Variants in OXR1 observed in about 807,000 individuals in gnomAD.
OXR1 encodes oxidation resistance protein 1.
A neutral mutation model predicts 104.6 loss-of-function variants in OXR1; 41 were observed. That is an observed-to-expected ratio of 0.39 (90% CI 0.31 to 0.51). The LOEUF (loss-of-function observed/expected upper bound fraction) is 0.51. OXR1 is among the 20% of genes least tolerant of loss of function. OXR1 has a pLI of 0.77. For synonymous variants in OXR1, 348 were observed against 348.4 expected (o/e 1.00, Z 0.01); for missense variants, 955 against 1,031.9 (o/e 0.93, Z 1.02).
At chr8:106,688,871 G>T (rs1283417423) in intron 6 of OXR1, among the ~76,000 whole-genome samples, 1 of 152,042 alleles carries the variant, frequency 6.6e-6, no homozygotes, top group African/African-American at 2.4e-5. Context: ...ATGACTACTA[G>T]CAAGTGCAGG....
At chr8:106,484,244 G>A (rs1822310344) in intron 2 of OXR1, among the ~76,000 whole-genome samples, 1 of 151,734 alleles carries the variant, frequency 6.6e-6, no homozygotes, top group Admixed American at 6.6e-5. Flanking sequence ...GAAAAAATAG[G>A]ACAACTATAG....
At chr8:106,328,041 C>T (rs1048195233) in intron 1 of OXR1, among the ~76,000 whole-genome samples, 1 of 152,124 alleles carries the variant, frequency 6.6e-6, no homozygotes, top group Non-Finnish European at 1.5e-5. Flanking sequence ...CAAATGATAT[C>T]ACTAGGATGC....
At chr8:106,670,503 A>C (rs1167390771) in intron 3 of OXR1, among the ~76,000 whole-genome samples, 9 of 152,218 alleles carry the variant, frequency 5.9e-5, no homozygotes, top group Non-Finnish European at 1.2e-4. Flanking sequence ...TCTAGTTATC[A>C]GATTTAAAAT....
At chr8:106,482,677 A>C (rs896888522) in intron 2 of OXR1, among the ~76,000 whole-genome samples, 3 of 152,090 alleles carry the variant, frequency 2.0e-5, no homozygotes, top group African/African-American at 7.2e-5. Flanking sequence ...TTTGATGAGC[A>C]TCAGATATCC....
At chr8:106,595,047 C>T (rs1324197647) in intron 3 of OXR1, among the ~76,000 whole-genome samples, 1 of 152,170 alleles carries the variant, frequency 6.6e-6, no homozygotes. Flanking sequence ...TAAATGTTGT[C>T]AATCAATTCA....
rs1831974714 is a variant in OXR1 at position 106,713,952 on chromosome 8, T to G, written c.1923T>G (p.Asp641Glu). 2 of 1,584,788 alleles carry G rather than the reference T, an allele frequency of 1.3e-6. No individual in the cohort carries two copies. The highest frequency in any genetic ancestry group is 4.6e-5 in the East Asian group (2 of 43,486). The change falls in exon 11 of 17, where the codon GAT becomes GAG. Residue 641 changes from aspartate to glutamate, a missense_variant. By Grantham distance (45) the Asp-to-Glu change is conservative. Coordinates refer to ENST00000517566, the MANE Select transcript of OXR1 (RefSeq NM_001198533.2). The stretch of plus-strand genomic sequence containing the variant: ...TTGAGGAGTCTGAAACAATTGAGGA[T>G]TCTAGTAATCAAGCAGCAGCCAGAG... ...KKIEESETIE[D>E]SSNQAAAREW...
intron 3 of OXR1, among the ~76,000 whole-genome samples, chr8:106,577,378 CTTTTTT>C (rs5893798): frequency 1.8e-4 from 8 of 43,572 alleles, no homozygotes; most frequent in African/African-American, 5.8e-4. Context: ...GCCCAGCTAA[CTTTTTT>C]TTTTTTTTTT....
chr8:106,679,391 C>A (rs777988464), intron 4 of OXR1, 99 bp downstream of exon 4: 28 of 498,906 alleles, frequency 5.6e-5, no homozygotes, highest in Non-Finnish European at 9.6e-5. Context: ...TTGTTAATTG[C>A]CTTATTTTTA....
intron 2 of OXR1, among the ~76,000 whole-genome samples, chr8:106,419,221 G>A (rs1033209204): frequency 9.9e-5 from 15 of 152,164 alleles, no homozygotes; most frequent in Non-Finnish European, 2.2e-4. Flanking sequence ...CCCTGACGAA[G>A]CATCTTCCTT....
At chr8:106,545,179 G>A (rs1030499358) in intron 3 of OXR1, among the ~76,000 whole-genome samples, 2 of 152,186 alleles carry the variant, frequency 1.3e-5, no homozygotes, top group Non-Finnish European at 1.5e-5. Context: ...GTCACCCCTG[G>A]TTGAAAGCTA....
Position 106,703,067 on chromosome 8 carries a change from C to A in OXR1, c.837C>A (p.Ser279Arg), listed in dbSNP as rs770728342. Residue 279 changes from serine (S) to arginine (R), a missense_variant, in exon 8 of 17, where the codon AGC becomes AGA. Coordinates refer to ENST00000517566, the MANE Select transcript of OXR1 (RefSeq NM_001198533.2). ...SAAMYKEILDSKIKESLPIDI... is the reference protein window; with the variant it reads ...SAAMYKEILDRKIKESLPIDI... Reference sequence around the variant, plus strand: ...CAATGTACAAAGAAATTTTGGATAGCAAAATAAAGGAATCTTTACCCATGT... The same window carrying A: ...CAATGTACAAAGAAATTTTGGATAGAAAAATAAAGGAATCTTTACCCATGT... The A allele has an allele frequency of 2.2e-5, 35 of 1,611,726 alleles. No homozygotes were observed. Among genetic ancestry groups the A allele is most frequent in the Non-Finnish European group, 2.9e-5 (34 of 1,178,340 alleles).
chr8:106,537,274 G>A (rs1045829713), intron 3 of OXR1, among the ~76,000 whole-genome samples: 1 of 152,168 alleles, frequency 6.6e-6, no homozygotes, highest in African/African-American at 2.4e-5. Context: ...TGCATTAGAT[G>A]ATGCAAAAGC....
At chr8:106,435,439 T>C (rs949970043) in intron 2 of OXR1, among the ~76,000 whole-genome samples, 1 of 152,100 alleles carries the variant, frequency 6.6e-6, no homozygotes, top group Admixed American at 6.6e-5. Context: ...TCACCCTCAA[T>C]TGTGAGGATC....
intron 2 of OXR1, among the ~76,000 whole-genome samples, chr8:106,412,366 A>G (rs1209151825): frequency 6.6e-6 from 1 of 152,146 alleles, no homozygotes; most frequent in Non-Finnish European, 1.5e-5. Context: ...CTGAAAGCCC[A>G]TCTCTCAAAC....
intron 1 of OXR1, among the ~76,000 whole-genome samples, chr8:106,299,424 TG>T (rs1344381417): frequency 6.6e-6 from 1 of 152,028 alleles, no homozygotes; most frequent in Non-Finnish European, 1.5e-5. Context: ...CACATTAGAG[TG>T]ATACACAAAA....
intron 1 of OXR1, among the ~76,000 whole-genome samples, chr8:106,273,420 C>T (rs1185383770): frequency 3.3e-5 from 5 of 152,072 alleles, no homozygotes; most frequent in Admixed American, 6.5e-5. Flanking sequence ...GCAGTTTTAC[C>T]CCCTAGGGGA....
At chr8:106,670,334 A>G (rs1240603843) in intron 3 of OXR1, among the ~76,000 whole-genome samples, 1 of 152,238 alleles carries the variant, frequency 6.6e-6, no homozygotes, top group Non-Finnish European at 1.5e-5. Context: ...ACTTGACAGA[A>G]GCAAACATTA....
chr8:106,399,734 T>C (rs1019038513), intron 2 of OXR1, among the ~76,000 whole-genome samples: 2 of 152,138 alleles, frequency 1.3e-5, no homozygotes, highest in African/African-American at 2.4e-5. Flanking sequence ...ATCATCTGTG[T>C]TTTACAAATG....
In OXR1 at chr8:106,602,429, CAG is replaced by C. The variant is rs143916230; in HGVS notation, c.221-76780_221-76779del. Among the ~76,000 whole-genome samples the C allele has an allele frequency of 6.2e-3, 936 of 152,156 alleles. 9 individuals carry two copies. Among genetic ancestry groups the C allele is most frequent in the African/African-American group, 0.021 (857 of 41,506 alleles). On this transcript the variant is annotated intron_variant, in intron 3 of 16. Coordinates refer to ENST00000517566, the MANE Select transcript of OXR1 (RefSeq NM_001198533.2). ...TTTGAATTATGTTTTGGAAGTGAAACAGGGCTAGCTAGCTGATAAATACAGTT... is the reference window on the plus strand; with the variant it reads ...TTTGAATTATGTTTTGGAAGTGAAACGGCTAGCTAGCTGATAAATACAGTT...
Sources: allele counts gnomAD v4.1 joint callset (sites outside exome capture counted in the v4.1 genomes callset), GRCh38; gene constraint gnomAD v4.1.1; transcripts MANE v1.5; gene names NCBI Gene and HGNC (gene_info 2026-07-23, HGNC 2026-07-21).